MCTP2: variants seen among roughly 807,000 people sequenced by gnomAD.
MCTP2 encodes the protein multiple C2 and transmembrane domain-containing protein 2.
In MCTP2, 132 loss-of-function variants were observed where a neutral mutation model predicts 111.6. The observed-to-expected ratio is 1.18, with a 90% CI of 1.03 to 1.37. The LOEUF (loss-of-function observed/expected upper bound fraction) is 1.37, where lower values mean the gene tolerates loss of function less well. Ranked by LOEUF, MCTP2 falls within the 40% of genes most tolerant of loss-of-function variation. MCTP2 has a pLI of 0.00. For synonymous variants in MCTP2, 395 were observed against 387.7 expected (o/e 1.02, Z -0.22); for missense variants, 1,183 against 1,067.9 (o/e 1.11, Z -1.50).
At chr15:94,406,977 G>A (rs1295076165) in intron 17 of MCTP2, among the ~76,000 whole-genome samples, 1 of 151,596 alleles carries the variant, frequency 6.6e-6, no homozygotes, top group East Asian at 1.9e-4. Context: ...AAAGAGATAG[G>A]CCCATATGTC....
chr15:94,243,238 CAT>C (rs2071204546), intron 1 of MCTP2, among the ~76,000 whole-genome samples: 1 of 147,018 alleles, frequency 6.8e-6, no homozygotes, highest in Non-Finnish European at 1.5e-5. Context: ...CGTACATACA[CAT>C]GCGTATATGC....
At chr15:94,426,940 C>T (rs2082923011) in intron 17 of MCTP2, among the ~76,000 whole-genome samples, 1 of 152,106 alleles carries the variant, frequency 6.6e-6, no homozygotes, top group Non-Finnish European at 1.5e-5. Context: ...GCAGTATTTA[C>T]TAGGGCCCTT....
In MCTP2 at chr15:94,277,651, T is replaced by C. The variant is rs139718606; in HGVS notation, c.-65-20550T>C. The stretch of plus-strand genomic sequence containing the variant: ...TAGAGACTATAATGCAATCACTGGC[T>C]ACCAGAGGTTCAGGGGGAGGTAAGA... On this transcript the variant is annotated intron_variant, in intron 1 of 22. Transcript: ENST00000357742. Among the ~76,000 whole-genome samples the C allele has an allele frequency of 2.4e-3, 368 of 152,250 alleles. 2 individuals are homozygous for C. The highest frequency in any genetic ancestry group is 7.7e-3 in the African/African-American group (318 of 41,554).
At chr15:94,465,147 A>G (rs2073157031) in intron 20 of MCTP2, among the ~76,000 whole-genome samples, 1 of 152,038 alleles carries the variant, frequency 6.6e-6, no homozygotes, top group Non-Finnish European at 1.5e-5. Flanking sequence ...AGATGTTAAA[A>G]TTATTATATT....
At chr15:94,290,119 AAG>A (rs533799993) in intron 1 of MCTP2, among the ~76,000 whole-genome samples, 34 of 152,264 alleles carry the variant, frequency 2.2e-4, no homozygotes, top group African/African-American at 7.5e-4. Flanking sequence ...AAGGCTGAGA[AAG>A]ATAAAGAAAT....
chr15:94,369,979 C>G, intron 11 of MCTP2, 108 bp from the exon 12 acceptor site: 1 of 595,098 alleles, frequency 1.7e-6, no homozygotes, highest in Non-Finnish European at 2.7e-6. Context: ...TTAAAGATTT[C>G]ATGAGAAAAA....
At chr15:94,271,509 A>C (rs2073903697) in intron 1 of MCTP2, among the ~76,000 whole-genome samples, 1 of 152,128 alleles carries the variant, frequency 6.6e-6, no homozygotes, top group African/African-American at 2.4e-5. Flanking sequence ...AGGAGGTGTA[A>C]TTGCTCTTTG....
chr15:94,450,349 T>C (rs2084369334), intron 19 of MCTP2, among the ~76,000 whole-genome samples: 1 of 152,234 alleles, frequency 6.6e-6, no homozygotes. Context: ...TGTGTGCGTG[T>C]GTGTGTGCAC....
At chr15:94,456,505 C>T (rs1023803198) in intron 19 of MCTP2, among the ~76,000 whole-genome samples, 5 of 152,110 alleles carry the variant, frequency 3.3e-5, no homozygotes, top group African/African-American at 1.2e-4. Flanking sequence ...AACATGAATA[C>T]TTATGTGGCA....
chr15:94,250,195 A>G (rs2045265), intron 1 of MCTP2, among the ~76,000 whole-genome samples: 65,542 of 151,960 alleles, frequency 0.43, 14,442 homozygotes, highest in Middle Eastern at 0.57. Flanking sequence ...TGGAGAATTC[A>G]TTTTTAATGG....
intron 2 of MCTP2, among the ~76,000 whole-genome samples, chr15:94,311,192 T>G (rs1011616164): frequency 6.6e-6 from 1 of 151,360 alleles, no homozygotes; most frequent in African/African-American, 2.4e-5. Context: ...ACCCGGCTAA[T>G]TTTTGTATTT....
Position 94,340,257 on chromosome 15 carries a change from GTGATCT to G in MCTP2, c.843_848del (p.Asp281_Leu282del). 6.2e-7 allele frequency: 1 copy of G among 1,612,448 alleles called. No individual in the cohort carries two copies. Among genetic ancestry groups the G allele is most frequent in the Non-Finnish European group, 8.5e-7 (1 of 1,178,762 alleles). On this transcript the variant is annotated inframe_deletion, in exon 6 of 23. Coordinates refer to ENST00000357742, the MANE Select transcript of MCTP2 (RefSeq NM_001385001.1). ...ATGGGTTCTGCATTTGTCATTCTCA[GTGATCT>G]TGAGCTTAACAGGTACCGTATTTTT...
At chr15:94,372,782 A>T (rs2079556405) in intron 12 of MCTP2, among the ~76,000 whole-genome samples, 1 of 152,170 alleles carries the variant, frequency 6.6e-6, no homozygotes, top group African/African-American at 2.4e-5. Context: ...CAAATTAAAA[A>T]AAAAAGCATT....
intron 1 of MCTP2, among the ~76,000 whole-genome samples, chr15:94,244,884 G>A (rs921256778): frequency 2.9e-5 from 4 of 140,024 alleles, no homozygotes; most frequent in East Asian, 4.2e-4. Flanking sequence ...GTTTATATAC[G>A]TATATGTATA....
At chr15:94,424,765 G>A (rs1052169160) in intron 17 of MCTP2, among the ~76,000 whole-genome samples, 1 of 152,088 alleles carries the variant, frequency 6.6e-6, no homozygotes, top group Non-Finnish European at 1.5e-5. Context: ...TGTGTGAAGG[G>A]GTACTTTGGT....
intron 19 of MCTP2, among the ~76,000 whole-genome samples, chr15:94,454,208 A>G (rs1352053726): frequency 1.3e-5 from 2 of 152,216 alleles, no homozygotes; most frequent in Non-Finnish European, 2.9e-5. Flanking sequence ...AACATTTAGT[A>G]TTGAGAATCA....
At chr15:94,305,568 T>C (rs1048822564) in intron 2 of MCTP2, among the ~76,000 whole-genome samples, 1 of 152,204 alleles carries the variant, frequency 6.6e-6, no homozygotes, top group African/African-American at 2.4e-5. Context: ...TAGAAGTCAG[T>C]CTCTCTTGTT....
intron 4 of MCTP2, among the ~76,000 whole-genome samples, chr15:94,316,850 G>A (rs2076398999): frequency 6.6e-6 from 1 of 151,720 alleles, no homozygotes; most frequent in Non-Finnish European, 1.5e-5. Flanking sequence ...TTCTTGCTTC[G>A]GTTCTTGGAC....
At chr15:94,372,193 C>T (rs566204542) in intron 12 of MCTP2, among the ~76,000 whole-genome samples, 3 of 152,274 alleles carry the variant, frequency 2.0e-5, no homozygotes, top group Admixed American at 6.5e-5. Context: ...CTGTGTGGTT[C>T]GACTAAATGC....
Sources: gnomAD v4.1 joint callset for allele counts (sites outside exome capture counted in the v4.1 genomes callset) on GRCh38, gnomAD v4.1.1 for gene constraint, MANE v1.5 for transcripts, NCBI Gene and HGNC (gene_info 2026-07-23, HGNC 2026-07-21) for gene names.